Variants in ARNT2 observed in about 807,000 individuals in gnomAD.
The protein encoded by ARNT2 is aryl hydrocarbon receptor nuclear translocator 2.
ARNT2 carries 36 observed loss-of-function variants against 91.7 expected under a neutral mutation model. The observed-to-expected ratio is 0.39, with a 90% CI of 0.30 to 0.52. The LOEUF is 0.52. Among genes scored for constraint, ARNT2 ranks in the 20% least tolerant of loss-of-function variants. The pLI, the probability that ARNT2 is intolerant of heterozygous loss-of-function variation, is 0.72. For synonymous variants in ARNT2, 365 were observed against 347.1 expected, an observed-to-expected ratio of 1.05 and a Z score of -0.57; for missense variants, 775 against 939.3, an observed-to-expected ratio of 0.83 and a Z score of 2.29.
At chr15:80,460,883 T>A (rs1291024181) in intron 3 of ARNT2, among the ~76,000 whole-genome samples, 2 of 151,780 alleles carry the variant, frequency 1.3e-5, no homozygotes, top group Non-Finnish European at 2.9e-5. Context: ...GAGAGATGGG[T>A]CCAGAGGAGG....
chr15:80,597,279 G>C lies in ARNT2; in HGVS notation c.*3581G>C, dbSNP rs373186882. On this transcript the variant is annotated 3_prime_UTR_variant, in exon 19 of 19. Transcript: ENST00000303329. The stretch of plus-strand genomic sequence containing the variant: ...AGAATGTGAACGCTCACCTTGCTCC[G>C]TCACGGTTCTGACCTACCACATAAA... 81 of 518,356 alleles carry C rather than the reference G, an allele frequency of 1.6e-4. No homozygotes were observed. Among genetic ancestry groups the C allele is most frequent in the Non-Finnish European group, 2.7e-4 (71 of 259,816 alleles). 32.1% of individuals were successfully genotyped at this position (518,356 alleles called of 1,614,324 possible). A position where few individuals can be genotyped will look rare whatever the true frequency, so the allele number is the denominator to read the frequency against.
intron 1 of ARNT2, among the ~76,000 whole-genome samples, chr15:80,409,132 C>A (rs1488951480): frequency 6.6e-6 from 1 of 152,166 alleles, no homozygotes; most frequent in African/African-American, 2.4e-5. Flanking sequence ...GGTTGGTAGA[C>A]GTTCTATGGG....
intron 15 of ARNT2, among the ~76,000 whole-genome samples, chr15:80,578,266 T>C (rs1898720184): frequency 6.6e-6 from 1 of 152,092 alleles, no homozygotes; most frequent in Non-Finnish European, 1.5e-5. Context: ...TCTGGCTGAC[T>C]CTTCAGCTAG....
chr15:80,541,779 A>G (rs555527237), intron 8 of ARNT2, among the ~76,000 whole-genome samples: 1 of 152,372 alleles, frequency 6.6e-6, no homozygotes, highest in South Asian at 2.1e-4. Flanking sequence ...GACAATATGT[A>G]GATTGCACAG....
intron 5 of ARNT2, among the ~76,000 whole-genome samples, chr15:80,505,245 C>T (rs1372672682): frequency 6.6e-6 from 1 of 152,140 alleles, no homozygotes; most frequent in Non-Finnish European, 1.5e-5. Context: ...GAGCCATAAT[C>T]GTTTTTGTGT....
At chr15:80,450,109 G>T (rs1896364140) in intron 1 of ARNT2, among the ~76,000 whole-genome samples, 1 of 152,192 alleles carries the variant, frequency 6.6e-6, no homozygotes, top group African/African-American at 2.4e-5. Flanking sequence ...TGAAATCAGG[G>T]ATGCTTAACA....
intron 1 of ARNT2, among the ~76,000 whole-genome samples, chr15:80,417,965 GA>G (rs2141558995): frequency 6.6e-6 from 1 of 152,190 alleles, no homozygotes; most frequent in African/African-American, 2.4e-5. Context: ...AATGGGGGGT[GA>G]TCACAGCACT....
chr15:80,541,757 C>T (rs1566996883), intron 8 of ARNT2, among the ~76,000 whole-genome samples: 2 of 152,176 alleles, frequency 1.3e-5, no homozygotes, highest in Admixed American at 1.3e-4. Flanking sequence ...GAAAGACATC[C>T]GATATCCAGA....
At chr15:80,425,152 C>A (rs1895915397) in intron 1 of ARNT2, among the ~76,000 whole-genome samples, 1 of 152,200 alleles carries the variant, frequency 6.6e-6, no homozygotes, top group African/African-American at 2.4e-5. Context: ...AGCCTTGTTT[C>A]TGTCAAGAAA....
intron 1 of ARNT2, among the ~76,000 whole-genome samples, chr15:80,408,219 T>C (rs1895629396): frequency 1.3e-5 from 2 of 152,226 alleles, no homozygotes; most frequent in Admixed American, 1.3e-4. Context: ...ATATCTTTGA[T>C]ATGCCAAGCT....
intron 8 of ARNT2, among the ~76,000 whole-genome samples, chr15:80,521,589 T>C (rs1314724183): frequency 6.6e-6 from 1 of 152,174 alleles, no homozygotes; most frequent in Non-Finnish European, 1.5e-5. Context: ...TGTAAATTTT[T>C]ATTAAATTCT....
chr15:80,507,577 G>A (rs955983304), intron 5 of ARNT2, among the ~76,000 whole-genome samples: 2 of 151,850 alleles, frequency 1.3e-5, no homozygotes, highest in East Asian at 3.9e-4. Context: ...TACGGTCATT[G>A]GCATCCAGAG....
At chr15:80,546,305 C>T (rs1257923305) in intron 8 of ARNT2, among the ~76,000 whole-genome samples, 1 of 152,200 alleles carries the variant, frequency 6.6e-6, no homozygotes, top group Non-Finnish European at 1.5e-5. Context: ...CCGGTCATAT[C>T]TATGTTTCAT....
intron 9 of ARNT2, among the ~76,000 whole-genome samples, chr15:80,552,353 A>G (rs1898096321): frequency 6.6e-6 from 1 of 152,230 alleles, no homozygotes; most frequent in Admixed American, 6.5e-5. Context: ...AAGGTTTAAC[A>G]TGCAATATCC....
At chr15:80,479,895 A>G (rs925436090) in intron 5 of ARNT2, among the ~76,000 whole-genome samples, 3 of 152,146 alleles carry the variant, frequency 2.0e-5, no homozygotes, top group African/African-American at 7.2e-5. Flanking sequence ...GGATTCAGAA[A>G]GAGAAGATTC....
intron 1 of ARNT2, among the ~76,000 whole-genome samples, chr15:80,410,670 G>T (rs1231397827): frequency 6.6e-6 from 1 of 152,120 alleles, no homozygotes; most frequent in Non-Finnish European, 1.5e-5. Context: ...CTGCTTTATT[G>T]TCTGTCTTTA....
chr15:80,442,247 C>T (rs3848173), intron 1 of ARNT2, among the ~76,000 whole-genome samples: 21,782 of 152,234 alleles, frequency 0.14, 1,724 homozygotes, highest in South Asian at 0.24. Flanking sequence ...GCATCTTTCC[C>T]ATCGTACTTC....
In ARNT2 at chr15:80,487,654, C is replaced by T. The variant is rs576029062; in HGVS notation, c.622+12431C>T. The T allele has an allele frequency of 3.3e-5, 5 of 152,382 alleles. No individual in the cohort carries two copies. The South Asian group carries it at 1.0e-3, about 32-fold the overall frequency. 9.4% of individuals were successfully genotyped at this position (152,382 alleles called of 1,614,324 possible). A position where few individuals can be genotyped will look rare whatever the true frequency, so the allele number is the denominator to read the frequency against. On this transcript the variant is annotated intron_variant, in intron 5 of 18. Transcript: ENST00000303329. ...TTGTGCCTACATTTCCAGAAGCTTCCTTTATAATCGGACCCTGAAACCAGA... is the reference window on the plus strand; with the variant it reads ...TTGTGCCTACATTTCCAGAAGCTTCTTTTATAATCGGACCCTGAAACCAGA...
At position 80,502,513 on chromosome 15, in the gene ARNT2, G is replaced by A. The variant is rs1018271532; in HGVS notation, c.623-5643G>A. Reference sequence around the variant, plus strand: ...AGACAACAGAAACAAAGGAGGGGTAGTAGGTGGACGAGGTGGATGACATGA... The same window carrying A: ...AGACAACAGAAACAAAGGAGGGGTAATAGGTGGACGAGGTGGATGACATGA... On this transcript the variant is annotated intron_variant, in intron 5 of 18. Coordinates refer to ENST00000303329, the MANE Select transcript of ARNT2 (RefSeq NM_014862.4). Among the ~76,000 whole-genome samples, 8 of 152,216 alleles carry A rather than the reference G, an allele frequency of 5.3e-5. 1 individual carries two copies. Among genetic ancestry groups the A allele is most frequent in the African/African-American group, 1.9e-4 (8 of 41,452 alleles).
Sources: gnomAD v4.1 joint callset for allele counts (sites outside exome capture counted in the v4.1 genomes callset) on GRCh38, gnomAD v4.1.1 for gene constraint, MANE v1.5 for transcripts, NCBI Gene and HGNC (gene_info 2026-07-23, HGNC 2026-07-21) for gene names.